Variants in ASAP2 observed in about 807,000 individuals in gnomAD.
ASAP2 encodes ArfGAP with SH3 domain, ankyrin repeat and PH domain 2.
ASAP2 carries 45 observed loss-of-function variants against 131.4 expected under a neutral mutation model. The ratio of observed to expected loss-of-function variants is 0.34; its 90% CI spans 0.27 to 0.44. The LOEUF (loss-of-function observed/expected upper bound fraction) is 0.44. Ranked by LOEUF, ASAP2 falls within the 20% of genes least tolerant of loss-of-function variation. The probability of loss-of-function intolerance (pLI) is 1.00; values close to 1 mark genes in which losing one functional copy is unlikely to be tolerated. For missense variants in ASAP2, 1,011 were observed against 1,297.0 expected, an observed-to-expected ratio of 0.78 and a Z score of 3.39; for synonymous variants, 510 against 503.0, an observed-to-expected ratio of 1.01 and a Z score of -0.19.
rs879519423 is a variant in ASAP2, at chr2:9,286,444, A to AT, written c.199+7055_199+7056insT. Among the ~76,000 whole-genome samples the AT allele has an allele frequency of 6.0e-3, 836 of 139,680 alleles. 1 individual carries two copies. Among genetic ancestry groups the AT allele is most frequent in the Admixed American group, 7.0e-3 (100 of 14,294 alleles). 91.6% of individuals were successfully genotyped at this position (139,680 alleles called of 152,430 possible). ...GGATTTTTTTTAAAAAAGGAAAAAA[A>AT]AAAATATATATATATATACTGTATC... On this transcript the variant is annotated intron_variant, in intron 2 of 27. Coordinates refer to ENST00000281419, the MANE Select transcript of ASAP2 (RefSeq NM_003887.3).
chr2:9,375,089 G>T, intron 17 of ASAP2, 145 bp downstream of exon 17: 1 of 519,204 alleles, frequency 1.9e-6, no homozygotes, highest in Admixed American at 4.3e-5. Flanking sequence ...GGGCACCATA[G>T]GGAGGCCCCA....
intron 2 of ASAP2, among the ~76,000 whole-genome samples, chr2:9,284,135 A>G (rs1025189217): frequency 9.2e-5 from 14 of 152,210 alleles, no homozygotes; most frequent in African/African-American, 3.1e-4. Flanking sequence ...CACAATTTCA[A>G]TTCCTCTTTG....
At chr2:9,222,664 G>A (rs939623167) in intron 1 of ASAP2, among the ~76,000 whole-genome samples, 2 of 152,302 alleles carry the variant, frequency 1.3e-5, no homozygotes, top group Admixed American at 6.5e-5. Flanking sequence ...GTCAGAACCC[G>A]TAGCTTTGGT....
chr2:9,312,012 A>C (rs977937185), intron 3 of ASAP2, among the ~76,000 whole-genome samples: 2 of 152,254 alleles, frequency 1.3e-5, no homozygotes, highest in Non-Finnish European at 2.9e-5. Flanking sequence ...TTCTTTAAAA[A>C]GTAAACACCT....
At chr2:9,304,835 G>T (rs1363279411) in intron 3 of ASAP2, among the ~76,000 whole-genome samples, 1 of 149,814 alleles carries the variant, frequency 6.7e-6, no homozygotes, top group African/African-American at 2.5e-5. Flanking sequence ...GACGAGTGGG[G>T]TGTAGATATT....
intron 1 of ASAP2, among the ~76,000 whole-genome samples, chr2:9,214,484 C>T (rs1245124578): frequency 6.6e-6 from 1 of 152,206 alleles, no homozygotes; most frequent in Non-Finnish European, 1.5e-5. Context: ...AGGTGATCCG[C>T]CCACCTCGGC....
At chr2:9,398,808 C>CA (rs539475871) in intron 24 of ASAP2, 14,085 of 100,986 alleles carry the variant, frequency 0.14, 2,183 homozygotes, top group African/African-American at 0.4. Context: ...GACTCCATCT[C>CA]AAAAAAAAAA....
intron 7 of ASAP2, among the ~76,000 whole-genome samples, chr2:9,328,223 G>A (rs550743774): frequency 6.6e-6 from 1 of 152,156 alleles, no homozygotes; most frequent in Non-Finnish European, 1.5e-5. Context: ...GGCTGCTAAC[G>A]GGTATAGGGT....
intron 24 of ASAP2, among the ~76,000 whole-genome samples, chr2:9,394,354 C>T (rs758625131): frequency 5.3e-5 from 8 of 151,826 alleles, no homozygotes; most frequent in Non-Finnish European, 1.2e-4. Flanking sequence ...CTAGTAGAGA[C>T]GAGGTTTCGC....
intron 3 of ASAP2, among the ~76,000 whole-genome samples, chr2:9,298,900 G>A (rs1028845018): frequency 2.0e-5 from 3 of 152,166 alleles, no homozygotes; most frequent in South Asian, 2.1e-4. Context: ...AAAAATGAAC[G>A]TACGGGAAGA....
chr2:9,403,556 C>T lies in ASAP2; in HGVS notation c.*229C>T. ...GCATTTATTAGGAAAAACTGAATTT[C>T]CCAACAGGTGAACTGAAAAGTTATT... On this transcript the variant is annotated 3_prime_UTR_variant, in exon 28 of 28. Coordinates refer to ENST00000281419, the MANE Select transcript of ASAP2 (RefSeq NM_003887.3). 1 of 516,172 alleles carries T rather than the reference C, an allele frequency of 1.9e-6. No homozygotes were observed. Among genetic ancestry groups the T allele is most frequent in the Non-Finnish European group, 3.4e-6 (1 of 293,258 alleles). The allele number at this position is 516,172 out of a possible 1,614,324, so 32.0% of individuals were successfully genotyped here. A position where few individuals can be genotyped will look rare whatever the true frequency, so the allele number is the denominator to read the frequency against.
At chr2:9,388,630 C>A (rs913319463) in intron 22 of ASAP2, 84 bp downstream of exon 22, 1 of 1,527,190 alleles carries the variant, frequency 6.5e-7, no homozygotes. Context: ...CTGCCTCCAA[C>A]TCAGTGACCT....
intron 9 of ASAP2, among the ~76,000 whole-genome samples, chr2:9,340,234 G>T (rs1558346138): frequency 6.6e-6 from 1 of 152,156 alleles, no homozygotes; most frequent in Non-Finnish European, 1.5e-5. Context: ...TGTTGGCCAG[G>T]CTGGTCTCGA....
chr2:9,391,822 T>C (rs552149665), intron 23 of ASAP2, among the ~76,000 whole-genome samples: 1 of 151,298 alleles, frequency 6.6e-6, no homozygotes, highest in South Asian at 2.1e-4. Context: ...TGACCTCAGG[T>C]GATCCACCTG....
Position 9,207,014 on chromosome 2 carries a change from C to A in ASAP2, c.-91C>A. The stretch of plus-strand genomic sequence containing the variant: ...CCGCGGGCCGGAGCGGCGGCGGCAG[C>A]GGCGGTGTCCGAGCGGCGGTCGGAG... On this transcript the variant is annotated 5_prime_UTR_variant, in exon 1 of 28. Coordinates refer to ENST00000281419, the MANE Select transcript of ASAP2 (RefSeq NM_003887.3). This position sits in a 1 kb window ranked among gnomAD's most constrained non-coding sequence, Gnocchi z 4.1. The A allele has an allele frequency of 9.1e-7, 1 of 1,097,952 alleles. No individual in the cohort carries two copies. The allele number at this position is 1,097,952 out of a possible 1,614,324, so 68.0% of individuals were successfully genotyped here. A position where few individuals can be genotyped will look rare whatever the true frequency, so the allele number is the denominator to read the frequency against.
chr2:9,305,144 T>C (rs1572400739), intron 3 of ASAP2, among the ~76,000 whole-genome samples: 1 of 146,872 alleles, frequency 6.8e-6, no homozygotes, highest in Non-Finnish European at 1.5e-5. Flanking sequence ...AATAGTGGGG[T>C]ATAGATATTG....
intron 3 of ASAP2, among the ~76,000 whole-genome samples, chr2:9,299,172 C>T (rs1668335876): frequency 6.6e-6 from 1 of 152,120 alleles, no homozygotes. Context: ...ACGGAAGAGT[C>T]TCCAAGTTGA....
intron 1 of ASAP2, among the ~76,000 whole-genome samples, chr2:9,238,470 G>T (rs1362789192): frequency 1.3e-5 from 2 of 152,176 alleles, no homozygotes; most frequent in Non-Finnish European, 2.9e-5. Context: ...GCAGAATCCA[G>T]ATCACTTTCA....
At chr2:9,261,089 T>C (rs1665547252) in intron 1 of ASAP2, among the ~76,000 whole-genome samples, 1 of 152,170 alleles carries the variant, frequency 6.6e-6, no homozygotes, top group South Asian at 2.1e-4. Flanking sequence ...CTGGCAGCTT[T>C]CTTGGTGAAG....
Sources: allele counts gnomAD v4.1 joint callset (sites outside exome capture counted in the v4.1 genomes callset), GRCh38; gene constraint gnomAD v4.1.1; non-coding constraint Gnocchi (gnomAD v3.1); transcripts MANE v1.5; gene names NCBI Gene and HGNC (gene_info 2026-07-23, HGNC 2026-07-21).